The following TNR variants were observed in gnomAD, a reference collection of about 807,000 sequenced individuals.
TNR encodes the protein tenascin R.
TNR carries 45 observed loss-of-function variants against 150.4 expected under a neutral mutation model. That is an observed-to-expected ratio of 0.30 (90% CI 0.24 to 0.38). The LOEUF is 0.38. Among genes scored for constraint, TNR ranks in the 10% least tolerant of loss-of-function variants. TNR has a pLI of 1.00. For missense variants in TNR, 1,544 were observed against 1,759.1 expected (o/e 0.88, Z 2.19); for synonymous variants, 687 against 678.4 (o/e 1.01, Z -0.20).
At chr1:175,726,478 C>T (rs1488231060) in intron 1 of TNR, among the ~76,000 whole-genome samples, 4 of 152,234 alleles carry the variant, frequency 2.6e-5, no homozygotes, top group Admixed American at 2.6e-4. Flanking sequence ...TCCTCAAACT[C>T]CTAAGGTACC....
At chr1:175,475,464 A>G (rs943543438) in intron 2 of TNR, among the ~76,000 whole-genome samples, 3 of 152,158 alleles carry the variant, frequency 2.0e-5, no homozygotes, top group Admixed American at 1.3e-4. Flanking sequence ...CTTTGGCACA[A>G]AAGGGTCCTT....
chr1:175,566,436 A>G (rs533959950), intron 1 of TNR, among the ~76,000 whole-genome samples: 26 of 152,378 alleles, frequency 1.7e-4, no homozygotes, highest in Non-Finnish European at 3.2e-4. Context: ...CCCGCCTTGC[A>G]AGAGAACAGC....
intron 1 of TNR, among the ~76,000 whole-genome samples, chr1:175,550,122 C>A (rs1202706628): frequency 1.3e-5 from 2 of 152,150 alleles, no homozygotes; most frequent in Non-Finnish European, 2.9e-5. Context: ...ACATAGGTCA[C>A]TAATTTAGAA....
At chr1:175,720,511 A>G (rs1305337000) in intron 1 of TNR, among the ~76,000 whole-genome samples, 2 of 152,238 alleles carry the variant, frequency 1.3e-5, no homozygotes, top group Non-Finnish European at 1.5e-5. Context: ...ACCTGCCCCA[A>G]GACGGGAACT....
chr1:175,587,191 A>G (rs1662608435), intron 1 of TNR, among the ~76,000 whole-genome samples: 2 of 152,194 alleles, frequency 1.3e-5, no homozygotes, highest in Admixed American at 6.5e-5. Context: ...TTACCCCAAA[A>G]ACTTCAGTTC....
In TNR at chr1:175,651,493, T is replaced by C. The variant is rs74127388; in HGVS notation, c.-165+91733A>G. Among the ~76,000 whole-genome samples the C allele has an allele frequency of 8.0e-4, 121 of 152,198 alleles. 1 individual carries two copies. Among genetic ancestry groups the C allele is most frequent in the African/African-American group, 2.8e-3 (117 of 41,530 alleles). The stretch of plus-strand genomic sequence containing the variant: ...TAGTATTGAAGAATTGTGAATATGT[T>C]TTAATAAACTGGAAAAAAACCCAGA... On this transcript the variant is annotated intron_variant, in intron 1 of 22. Coordinates refer to ENST00000367674, the MANE Select transcript of TNR (RefSeq NM_003285.3).
intron 1 of TNR, among the ~76,000 whole-genome samples, chr1:175,582,883 G>A (rs1571637214): frequency 6.6e-6 from 1 of 151,902 alleles, no homozygotes; most frequent in East Asian, 1.9e-4. Flanking sequence ...CATTATAAAA[G>A]GGTTAGTTCA....
At chr1:175,671,069 G>A (rs1210414528) in intron 1 of TNR, among the ~76,000 whole-genome samples, 1 of 152,160 alleles carries the variant, frequency 6.6e-6, no homozygotes, top group African/African-American at 2.4e-5. Context: ...TGGAGAGAGA[G>A]TTTTGAGGGA....
At chr1:175,426,080 G>A (rs1188787444) in intron 2 of TNR, among the ~76,000 whole-genome samples, 1 of 152,176 alleles carries the variant, frequency 6.6e-6, no homozygotes, top group East Asian at 1.9e-4. Context: ...TGTAACAGGA[G>A]CCTGCTGAGG....
intron 1 of TNR, among the ~76,000 whole-genome samples, chr1:175,556,324 G>A (rs991424518): frequency 1.3e-5 from 2 of 152,222 alleles, no homozygotes; most frequent in Admixed American, 6.5e-5. Context: ...CACAAGTAAT[G>A]TCCATGAAGG....
chr1:175,362,720 G>C lies in TNR; in HGVS notation c.2797C>G (p.Leu933Val), dbSNP rs1350528103. The C allele has an allele frequency of 6.2e-7, 1 of 1,614,128 alleles. No homozygotes were observed. The highest frequency in any genetic ancestry group is 1.1e-5 in the South Asian group (1 of 91,084). Residue 933 changes from leucine (L) to valine (V), a missense_variant, in exon 14 of 23, where the codon CTC becomes GTC. Leu to Val is a conservative substitution (Grantham distance 32). Transcript: ENST00000367674. ...LNPATEYEIS[L>V]NSVRGREESE... ...TCCTCCCTGCCCCGCACGCTGTTGA[G>C]GCTGATTTCGTATTCGGTAGCTGGG...
intron 2 of TNR, among the ~76,000 whole-genome samples, chr1:175,412,663 C>T (rs527987102): frequency 2.0e-5 from 3 of 152,174 alleles, no homozygotes; most frequent in African/African-American, 7.2e-5. Context: ...CACTCCAGCT[C>T]CACCCAAGGG....
chr1:175,569,001 C>T (rs1489873297), intron 1 of TNR, among the ~76,000 whole-genome samples: 1 of 151,382 alleles, frequency 6.6e-6, no homozygotes, highest in African/African-American at 2.4e-5. Context: ...TATTTTTATT[C>T]TACCTTCTAT....
At chr1:175,425,476 T>G (rs1286466017) in intron 2 of TNR, among the ~76,000 whole-genome samples, 2 of 152,218 alleles carry the variant, frequency 1.3e-5, no homozygotes, top group Non-Finnish European at 2.9e-5. Flanking sequence ...TGAGGTGCCA[T>G]GTGGAACTCA....
At chr1:175,541,388 T>A (rs975529721) in intron 1 of TNR, among the ~76,000 whole-genome samples, 1 of 152,224 alleles carries the variant, frequency 6.6e-6, no homozygotes, top group Non-Finnish European at 1.5e-5. Flanking sequence ...AGGGAAAATG[T>A]TCACATTAAA....
chr1:175,547,593 G>A (rs760655708), intron 1 of TNR, among the ~76,000 whole-genome samples: 1 of 26,440 alleles, frequency 3.8e-5, no homozygotes, highest in South Asian at 1.4e-3. Context: ...AAGAAAGAAA[G>A]AAAGAAAGAA....
intron 1 of TNR, among the ~76,000 whole-genome samples, chr1:175,590,183 G>T (rs1187966766): frequency 2.0e-5 from 3 of 152,102 alleles, no homozygotes; most frequent in African/African-American, 7.2e-5. Flanking sequence ...TATCAAAAAA[G>T]AAAGAGGTAA....
chr1:175,601,407 A>G (rs1663231940), intron 1 of TNR, among the ~76,000 whole-genome samples: 1 of 152,228 alleles, frequency 6.6e-6, no homozygotes, highest in Admixed American at 6.5e-5. Context: ...TGTGATCCAC[A>G]GACTTCTAGT....
intron 1 of TNR, among the ~76,000 whole-genome samples, chr1:175,684,884 C>T (rs1666143066): frequency 6.6e-6 from 1 of 152,160 alleles, no homozygotes. Flanking sequence ...ATTGAAGCCC[C>T]TTTATTGATG....
Sources: allele counts gnomAD v4.1 joint callset (sites outside exome capture counted in the v4.1 genomes callset), GRCh38; gene constraint gnomAD v4.1.1; transcripts MANE v1.5; gene names NCBI Gene and HGNC (gene_info 2026-07-23, HGNC 2026-07-21).